COL28A1: variants seen among roughly 807,000 people sequenced by gnomAD.
COL28A1 encodes collagen alpha-1(XXVIII) chain.
A neutral mutation model predicts 150.2 loss-of-function variants in COL28A1; 161 were observed. The observed-to-expected ratio is 1.07, with a 90% CI of 0.94 to 1.22. COL28A1 has a LOEUF of 1.22. Ranked by LOEUF, COL28A1 falls within the 50% of genes most tolerant of loss-of-function variation. The probability of loss-of-function intolerance (pLI) is 0.00; values close to 1 mark genes in which losing one functional copy is unlikely to be tolerated. For missense variants in COL28A1, 1,617 were observed against 1,388.3 expected, an observed-to-expected ratio of 1.16 and a Z score of -2.62; for synonymous variants, 552 against 469.7, an observed-to-expected ratio of 1.18 and a Z score of -2.26.
At chr7:7,420,268 C>A in intron 25 of COL28A1, 1 of 180,836 alleles carries the variant, frequency 5.5e-6, no homozygotes, top group Admixed American at 6.0e-5. Context: ...AAAAAACAAC[C>A]ATTAAGAAAT....
intron 25 of COL28A1, among the ~76,000 whole-genome samples, chr7:7,426,429 T>C (rs1784646069): frequency 6.6e-6 from 1 of 152,228 alleles, no homozygotes; most frequent in Non-Finnish European, 1.5e-5. Flanking sequence ...GGCTTTTTTC[T>C]AAGTATATGC....
At chr7:7,451,624 G>A (rs1490504109) in intron 18 of COL28A1, among the ~76,000 whole-genome samples, 6 of 151,840 alleles carry the variant, frequency 4.0e-5, no homozygotes, top group South Asian at 2.1e-4. Flanking sequence ...TTACTATATC[G>A]TATATTGCCT....
chr7:7,409,480 C>A (rs542331192), intron 27 of COL28A1, among the ~76,000 whole-genome samples: 4 of 152,112 alleles, frequency 2.6e-5, no homozygotes, highest in Non-Finnish European at 5.9e-5. Context: ...CAATTTAAAC[C>A]AGCAGCATGT....
chr7:7,443,658 A>G lies in COL28A1; in HGVS notation c.1582-5T>C. The stretch of plus-strand genomic sequence containing the variant: ...TCCCGGAAGCCCCGCTTCTCCCTAG[A>G]GAAAATGACACTGATGTGTTAGCTG... On this transcript the variant is annotated splice_region_variant and splice_polypyrimidine_tract_variant and intron_variant, in intron 19 of 34. Transcript: ENST00000399429. The G allele has an allele frequency of 6.2e-7, 1 of 1,614,018 alleles. No individual in the cohort carries two copies. Among genetic ancestry groups the G allele is most frequent in the Non-Finnish European group, 8.5e-7 (1 of 1,179,982 alleles).
At chr7:7,514,172 G>A (rs546982620) in intron 8 of COL28A1, among the ~76,000 whole-genome samples, 2 of 148,974 alleles carry the variant, frequency 1.3e-5, no homozygotes, top group Admixed American at 6.6e-5. Context: ...AAATCAAAAT[G>A]GAGGAGGGGG....
At position 7,361,129 on chromosome 7, in the gene COL28A1, C is replaced by T. The variant is rs1166750432; in HGVS notation, c.3067-601G>A. On this transcript the variant is annotated intron_variant, in intron 33 of 34. Transcript: ENST00000399429. ...ACCTTTGCCTGCTCTATTATCAGAC[C>T]CCAGCTAATACCAAATGCTGTAGGA... 5.4e-5 allele frequency among the ~76,000 whole-genome samples: 7 copies of T among 130,680 alleles called. No homozygotes were observed. The Middle Eastern group carries it at 0.015, about 287-fold the overall frequency. 85.7% of individuals were successfully genotyped at this position (130,680 alleles called of 152,430 possible).
rs185418782 is a variant in COL28A1 at position 7,406,781 on chromosome 7, G to A, written c.2136+11078C>T. ...AGCCAATGTGCTCTGATTGTATTGA[G>A]TGAGATAAAGTGAGATGCAAGATAA... On this transcript the variant is annotated intron_variant, in intron 27 of 34. Coordinates refer to ENST00000399429, the MANE Select transcript of COL28A1 (RefSeq NM_001037763.3). Among the ~76,000 whole-genome samples, 241 of 152,206 alleles carry A rather than the reference G, an allele frequency of 1.6e-3. 1 individual carries two copies. Among genetic ancestry groups the A allele is most frequent in the Admixed American group, 3.3e-3 (51 of 15,268 alleles).
At chr7:7,512,488 T>C (rs1327309049) in intron 8 of COL28A1, among the ~76,000 whole-genome samples, 1 of 152,152 alleles carries the variant, frequency 6.6e-6, no homozygotes, top group East Asian at 1.9e-4. Context: ...CTTTTTAGAT[T>C]TGTCCATTAA....
At chr7:7,356,241 A>G (rs1256864797), downstream of COL28A1, 1 of 152,202 alleles carries the variant, frequency 6.6e-6, no homozygotes, top group Non-Finnish European at 1.5e-5. Flanking sequence ...CTAAATATTT[A>G]TTGTTTGGCA....
rs559918750 is a variant in COL28A1, at chr7:7,423,967, T to G, written c.1999-4014A>C. ...GCCAATGAATTTAAGATGTGTTCCA[T>G]GTCATCTGTGGTCCTTCAGTGTTCA... On this transcript the variant is annotated intron_variant, in intron 25 of 34. Transcript: ENST00000399429. 2.6e-3 allele frequency among the ~76,000 whole-genome samples: 389 copies of G among 152,330 alleles called. 1 individual carries two copies. The highest frequency in any genetic ancestry group is 8.8e-3 in the African/African-American group (367 of 41,574).
chr7:7,430,728 A>G (rs1300277226), intron 25 of COL28A1, among the ~76,000 whole-genome samples: 1 of 152,174 alleles, frequency 6.6e-6, no homozygotes, highest in Non-Finnish European at 1.5e-5. Context: ...TAAGATAATG[A>G]GGTTTACCTA....
At chr7:7,509,703 C>A (rs966098054) in intron 9 of COL28A1, among the ~76,000 whole-genome samples, 3 of 152,020 alleles carry the variant, frequency 2.0e-5, no homozygotes, top group African/African-American at 7.3e-5. Flanking sequence ...TCCCTGACAT[C>A]TTAGTCAATG....
chr7:7,437,807 A>AT (rs1448785772), intron 21 of COL28A1, among the ~76,000 whole-genome samples: 7 of 152,262 alleles, frequency 4.6e-5, no homozygotes, highest in African/African-American at 1.7e-4. Context: ...TTTTTTCAAT[A>AT]TAGCAATTAT....
At chr7:7,402,034 A>G (rs778336490) in intron 27 of COL28A1, among the ~76,000 whole-genome samples, 2 of 152,198 alleles carry the variant, frequency 1.3e-5, no homozygotes, top group African/African-American at 2.4e-5. Flanking sequence ...CAATGCTCAT[A>G]AGGGAGGCTT....
chr7:7,386,858 A>C (rs866261265), intron 27 of COL28A1, among the ~76,000 whole-genome samples: 1 of 152,182 alleles, frequency 6.6e-6, no homozygotes, highest in Non-Finnish European at 1.5e-5. Flanking sequence ...TATAAACAAC[A>C]GCAGATTATC....
chr7:7,485,818 A>G (rs1241199915), intron 13 of COL28A1, among the ~76,000 whole-genome samples: 2 of 152,158 alleles, frequency 1.3e-5, no homozygotes, highest in Non-Finnish European at 2.9e-5. Flanking sequence ...TCATATTTCT[A>G]TAATTTGCCA....
chr7:7,463,073 G>C (rs759981880), intron 15 of COL28A1, among the ~76,000 whole-genome samples: 2 of 151,824 alleles, frequency 1.3e-5, no homozygotes, highest in Non-Finnish European at 2.9e-5. Flanking sequence ...GTGTTCCTGA[G>C]GAAGAAGAGA....
At position 7,430,189 on chromosome 7, in the gene COL28A1, C is replaced by T. The variant is rs184763853; in HGVS notation, c.1998+2284G>A. On this transcript the variant is annotated intron_variant, in intron 25 of 34. Coordinates refer to ENST00000399429, the MANE Select transcript of COL28A1 (RefSeq NM_001037763.3). ...TCGCCCAGGCTGGAGTGCAGTGGTG[C>T]GATCTCAGCTCACTGCAACCTCCGC... Among the ~76,000 whole-genome samples, 707 of 152,070 alleles carry T rather than the reference C, an allele frequency of 4.6e-3. 5 individuals carry two copies. Among genetic ancestry groups the T allele is most frequent in the East Asian group, 0.022 (112 of 5,164 alleles).
At chr7:7,357,548 A>G (rs1780397147), downstream of COL28A1, 1 of 152,074 alleles carries the variant, frequency 6.6e-6, no homozygotes, top group Non-Finnish European at 1.5e-5. Context: ...AATCCCAGCT[A>G]CGCAGGAGGT....
Sources: allele counts gnomAD v4.1 joint callset (sites outside exome capture counted in the v4.1 genomes callset), GRCh38; gene constraint gnomAD v4.1.1; transcripts MANE v1.5; gene names NCBI Gene and HGNC (gene_info 2026-07-23, HGNC 2026-07-21).